The following PTPRD variants were observed in gnomAD, a reference collection of about 807,000 sequenced individuals.
PTPRD encodes receptor-type tyrosine-protein phosphatase delta.
A neutral mutation model predicts 214.5 loss-of-function variants in PTPRD; 34 were observed. The observed-to-expected ratio is 0.16, with a 90% CI of 0.12 to 0.21. The LOEUF is 0.21. PTPRD is among the 10% of genes least tolerant of loss of function. The probability of loss-of-function intolerance (pLI) is 1.00; values close to 1 mark genes in which losing one functional copy is unlikely to be tolerated. For missense variants in PTPRD, 2,545 were observed against 2,398.7 expected, an observed-to-expected ratio of 1.06 and a Z score of -1.27; for synonymous variants, 1,128 against 845.7, an observed-to-expected ratio of 1.33 and a Z score of -5.79.
chr9:8,417,137 A>C (rs1012042087), intron 35 of PTPRD, among the ~76,000 whole-genome samples: 3 of 152,120 alleles, frequency 2.0e-5, no homozygotes, highest in Non-Finnish European at 4.4e-5. Flanking sequence ...TTATTGCCAA[A>C]ATTTTTTGAT....
At chr9:10,252,467 C>A (rs1460663320) in intron 3 of PTPRD, among the ~76,000 whole-genome samples, 3 of 152,064 alleles carry the variant, frequency 2.0e-5, no homozygotes, top group African/African-American at 7.2e-5. Flanking sequence ...GAAGTAACAC[C>A]AGCCTCCTCC....
intron 11 of PTPRD, among the ~76,000 whole-genome samples, chr9:8,748,715 C>A (rs1201141682): frequency 6.6e-6 from 1 of 151,902 alleles, no homozygotes; most frequent in African/African-American, 2.4e-5. Flanking sequence ...AGTTCAAGAC[C>A]AGCCTGACCA....
chr9:8,398,471 C>T (rs948620877), intron 36 of PTPRD, among the ~76,000 whole-genome samples: 1 of 152,076 alleles, frequency 6.6e-6, no homozygotes, highest in Non-Finnish European at 1.5e-5. Context: ...TGTTTTGGAA[C>T]TTTAAATATA....
chr9:9,025,980 A>T (rs905747198), intron 10 of PTPRD, among the ~76,000 whole-genome samples: 1 of 151,998 alleles, frequency 6.6e-6, no homozygotes, highest in African/African-American at 2.4e-5. Context: ...GGTAACAGGT[A>T]ATAAATGACA....
At chr9:10,488,934 G>C (rs557362081) in intron 2 of PTPRD, among the ~76,000 whole-genome samples, 28 of 152,200 alleles carry the variant, frequency 1.8e-4, no homozygotes, top group African/African-American at 6.7e-4. Flanking sequence ...CCAAGTGTCC[G>C]CTTGGTGCTC....
At chr9:10,365,058 G>C (rs868373794) in intron 2 of PTPRD, among the ~76,000 whole-genome samples, 2 of 152,034 alleles carry the variant, frequency 1.3e-5, no homozygotes, top group Admixed American at 1.3e-4. Flanking sequence ...TTACATCAAA[G>C]TGTACCAACC....
chr9:10,174,810 A>G (rs1030355587), intron 3 of PTPRD, among the ~76,000 whole-genome samples: 7 of 152,110 alleles, frequency 4.6e-5, no homozygotes, highest in African/African-American at 1.4e-4. Context: ...AAGTAACCCC[A>G]TAGTAAATTA....
intron 33 of PTPRD, among the ~76,000 whole-genome samples, chr9:8,454,124 G>A (rs1231453818): frequency 6.6e-6 from 1 of 152,118 alleles, no homozygotes; most frequent in East Asian, 1.9e-4. Flanking sequence ...TTGGGGAAGA[G>A]TTCTCACTAA....
intron 3 of PTPRD, among the ~76,000 whole-genome samples, chr9:10,041,537 A>G (rs1483001266): frequency 6.6e-6 from 1 of 151,836 alleles, no homozygotes; most frequent in East Asian, 1.9e-4. Flanking sequence ...TCTACTGTAT[A>G]AAATCAAGGA....
intron 14 of PTPRD, among the ~76,000 whole-genome samples, chr9:8,602,440 A>G (rs1415775244): frequency 6.6e-6 from 1 of 152,250 alleles, no homozygotes; most frequent in Non-Finnish European, 1.5e-5. Context: ...TAAACTTACT[A>G]TGAGCCTTAT....
At chr9:9,234,042 C>T (rs951650864) in intron 9 of PTPRD, among the ~76,000 whole-genome samples, 2 of 152,276 alleles carry the variant, frequency 1.3e-5, no homozygotes, top group South Asian at 2.1e-4. Context: ...GGGCTCCAAC[C>T]CCACATTTCC....
At chr9:9,325,415 G>A (rs1008846557) in intron 9 of PTPRD, among the ~76,000 whole-genome samples, 7 of 152,138 alleles carry the variant, frequency 4.6e-5, no homozygotes, top group Non-Finnish European at 1.0e-4. Context: ...CATATCCCTT[G>A]CAAGTTGGAT....
At chr9:9,274,913 A>G (rs915931562) in intron 9 of PTPRD, among the ~76,000 whole-genome samples, 7 of 147,626 alleles carry the variant, frequency 4.7e-5, no homozygotes, top group Non-Finnish European at 9.0e-5. Flanking sequence ...ACCATTACAT[A>G]TCTTTCTTAG....
Position 8,802,673 on chromosome 9 carries a change from A to G in PTPRD, c.-103-68727T>C, listed in dbSNP as rs146336268. ...CTAAGGCCATATGTTTTTATTCGGA[A>G]AAGGCCCTGACAACCCACAACTAAC... On this transcript the variant is annotated intron_variant, in intron 11 of 45. Transcript: ENST00000381196. Among the ~76,000 whole-genome samples, 872 of 152,284 alleles carry G rather than the reference A, an allele frequency of 5.7e-3. 10 individuals are homozygous for G. Among genetic ancestry groups the G allele is most frequent in the African/African-American group, 0.02 (827 of 41,560 alleles).
At chr9:10,475,782 G>A (rs969436931) in intron 2 of PTPRD, among the ~76,000 whole-genome samples, 32 of 151,924 alleles carry the variant, frequency 2.1e-4, no homozygotes, top group African/African-American at 5.3e-4. Flanking sequence ...TATCTACCAC[G>A]ATCAAGTCGG....
chr9:10,391,451 A>G (rs559041397), intron 2 of PTPRD, among the ~76,000 whole-genome samples: 2 of 151,854 alleles, frequency 1.3e-5, no homozygotes, highest in East Asian at 3.9e-4. Flanking sequence ...GTGTTAGGGA[A>G]ACTTCAATTA....
chr9:9,486,311 G>A (rs1275806046), intron 8 of PTPRD, among the ~76,000 whole-genome samples: 2 of 151,920 alleles, frequency 1.3e-5, no homozygotes, highest in Admixed American at 6.6e-5. Flanking sequence ...TTGTTAGGCT[G>A]CTGTTTCAGT....
intron 11 of PTPRD, among the ~76,000 whole-genome samples, chr9:9,000,842 C>T (rs1228605129): frequency 1.3e-5 from 2 of 151,840 alleles, no homozygotes; most frequent in Non-Finnish European, 2.9e-5. Flanking sequence ...GTGATGGATT[C>T]ACAAAAAACA....
rs535396298 is a variant in PTPRD, at chr9:9,177,555, G to A, written c.-143+5749C>T. ...CTTAAAATTTGTTTTTTGTCATTAT[G>A]AACTCAAATTAAACTTAATTTTAAA... On this transcript the variant is annotated intron_variant, in intron 10 of 45. Transcript: ENST00000381196. Among the ~76,000 whole-genome samples the A allele has an allele frequency of 4.6e-5, 7 of 152,004 alleles. No individual in the cohort carries two copies. In the East Asian group the frequency reaches 1.2e-3, roughly 25 times the overall value.
Sources: gnomAD v4.1 joint callset for allele counts (sites outside exome capture counted in the v4.1 genomes callset) on GRCh38, gnomAD v4.1.1 for gene constraint, MANE v1.5 for transcripts, NCBI Gene and HGNC (gene_info 2026-07-23, HGNC 2026-07-21) for gene names.